Variants in TBC1D1 observed in about 807,000 individuals in gnomAD.
TBC1D1 encodes TBC1 domain family member 1.
Under a neutral mutation model 125.6 loss-of-function variants are expected in TBC1D1, and 89 were observed. That is an observed-to-expected ratio of 0.71 (90% CI 0.60 to 0.85). TBC1D1 has a LOEUF of 0.85. Among genes scored for constraint, TBC1D1 ranks in the 40% least tolerant of loss-of-function variants. The pLI is 0.00. For missense variants in TBC1D1, 1,377 were observed against 1,469.2 expected (o/e 0.94, Z 1.03); for synonymous variants, 565 against 564.1 (o/e 1.00, Z -0.02).
chr4:38,132,391 G>A (rs1765732581), intron 18 of TBC1D1, among the ~76,000 whole-genome samples: 1 of 152,208 alleles, frequency 6.6e-6, no homozygotes, highest in African/African-American at 2.4e-5. Flanking sequence ...TCCTTACCAA[G>A]AGAAAGTACA....
At chr4:38,093,063 A>G (rs542825855) in intron 13 of TBC1D1, among the ~76,000 whole-genome samples, 5 of 152,318 alleles carry the variant, frequency 3.3e-5, no homozygotes, top group Admixed American at 3.3e-4. Context: ...ATTATAAGAA[A>G]GCGACATTGA....
intron 2 of TBC1D1, among the ~76,000 whole-genome samples, chr4:37,970,684 C>A (rs1731848584): frequency 6.6e-6 from 1 of 152,242 alleles, no homozygotes. Flanking sequence ...CCCTTGAGGG[C>A]AGGATTCTGG....
chr4:38,052,728 G>GCGCACACACACACACACACACACA (rs1491148206), intron 11 of TBC1D1, among the ~76,000 whole-genome samples: 1 of 118,276 alleles, frequency 8.5e-6, no homozygotes, highest in Non-Finnish European at 1.7e-5. Flanking sequence ...GCGCGCGCGC[G>GCGCACACACACACACACACACACA]CACACACACA....
At chr4:37,925,476 G>A (rs1011876589) in intron 2 of TBC1D1, among the ~76,000 whole-genome samples, 2 of 152,108 alleles carry the variant, frequency 1.3e-5, no homozygotes, top group African/African-American at 2.4e-5. Context: ...CCAGCACTTC[G>A]GGAGGTCGAG....
At chr4:37,969,599 C>T (rs1731671809) in intron 2 of TBC1D1, among the ~76,000 whole-genome samples, 2 of 152,198 alleles carry the variant, frequency 1.3e-5, no homozygotes, top group Non-Finnish European at 1.5e-5. Flanking sequence ...ACTGCCTCAG[C>T]CTCCCAAAAA....
At chr4:38,107,899 G>A (rs958394686) in intron 15 of TBC1D1, among the ~76,000 whole-genome samples, 1 of 151,930 alleles carries the variant, frequency 6.6e-6, no homozygotes, top group Non-Finnish European at 1.5e-5. Flanking sequence ...TCTTGGCTCT[G>A]CCCACTCCAT....
At chr4:37,946,515 A>G (rs1353125290) in intron 2 of TBC1D1, among the ~76,000 whole-genome samples, 1 of 152,258 alleles carries the variant, frequency 6.6e-6, no homozygotes, top group East Asian at 1.9e-4. Context: ...GTGTGAATCT[A>G]TTAAAATAAT....
At chr4:38,134,829 G>A (rs1300970529) in intron 19 of TBC1D1, among the ~76,000 whole-genome samples, 2 of 152,196 alleles carry the variant, frequency 1.3e-5, no homozygotes, top group Admixed American at 6.5e-5. Context: ...GGTGATTACA[G>A]ATGTTCTCCC....
At position 38,052,168 on chromosome 4, in the gene TBC1D1, TG is replaced by T. The variant is rs1257173928; in HGVS notation, c.1911-2030del. The T allele has an allele frequency of 6.3e-5, 8 of 126,942 alleles. No homozygotes were observed. In the East Asian group the frequency reaches 8.1e-3, roughly 128 times the overall value. The allele number at this position is 126,942 out of a possible 1,614,324, so 7.9% of individuals were successfully genotyped here. ...ATGTCCATGCAGGAAGCAGAGCCAC[TG>T]TGTGTGTGTGTGTGTGTGTGTGTGT... On this transcript the variant is annotated intron_variant, in intron 11 of 19. Transcript: ENST00000261439.
chr4:37,935,254 C>A (rs1283475320), intron 2 of TBC1D1, among the ~76,000 whole-genome samples: 3 of 152,160 alleles, frequency 2.0e-5, no homozygotes, highest in Non-Finnish European at 4.4e-5. Context: ...CGCTTTGATC[C>A]TAGGTTCCTT....
At chr4:38,059,349 G>C (rs565973306) in intron 12 of TBC1D1, among the ~76,000 whole-genome samples, 1 of 152,142 alleles carries the variant, frequency 6.6e-6, no homozygotes. Context: ...AGTAGGTCAC[G>C]TGCACAGCAG....
chr4:37,979,932 A>G (rs888266150), intron 2 of TBC1D1, among the ~76,000 whole-genome samples: 3 of 152,170 alleles, frequency 2.0e-5, no homozygotes, highest in African/African-American at 7.2e-5. Flanking sequence ...GGCTTGCGCC[A>G]CCACCCCCGC....
chr4:38,014,425 C>A lies in TBC1D1; in HGVS notation c.418-84C>A. 7.3e-7 allele frequency: 1 copy of A among 1,368,252 alleles called. No homozygotes were observed. The highest frequency in any genetic ancestry group is 1.0e-6 in the Non-Finnish European group (1 of 981,950). The allele number at this position is 1,368,252 out of a possible 1,614,324, so 84.8% of individuals were successfully genotyped here. A position where few individuals can be genotyped will look rare whatever the true frequency, so the allele number is the denominator to read the frequency against. ...CTCCGCAGTGGAGTAGCCAGCGGGG[C>A]GTCCCGAAAGAGCATGGTGCATTCA... On this transcript the variant is annotated intron_variant, in intron 2 of 19. Transcript: ENST00000261439. This position sits in a 1 kb window ranked among gnomAD's most constrained non-coding sequence, Gnocchi z 5.1.
At chr4:37,983,185 C>G (rs1050362506) in intron 2 of TBC1D1, among the ~76,000 whole-genome samples, 8 of 142,552 alleles carry the variant, frequency 5.6e-5, no homozygotes, top group African/African-American at 1.9e-4. Context: ...TGCAGTGGTG[C>G]GATCTCGGCT....
At chr4:38,108,620 C>T (rs894422200) in intron 15 of TBC1D1, among the ~76,000 whole-genome samples, 9 of 152,194 alleles carry the variant, frequency 5.9e-5, no homozygotes, top group African/African-American at 1.9e-4. Flanking sequence ...TGCCGCGAGA[C>T]GCTAAGCGTG....
intron 12 of TBC1D1, among the ~76,000 whole-genome samples, chr4:38,076,228 G>A (rs180739693): frequency 6.6e-6 from 1 of 152,130 alleles, no homozygotes; most frequent in Non-Finnish European, 1.5e-5. Context: ...CGAGCAAAAG[G>A]GGGGAAAGCC....
rs1246526334 is a variant in TBC1D1 at position 38,010,884 on chromosome 4, A to G, written c.418-3625A>G. On this transcript the variant is annotated intron_variant, in intron 2 of 19. Transcript: ENST00000261439. ...AGGGACTCATTTACATTCATCTTAT[A>G]TTTCTGAATCCCTGGCTCTGGCATC... Among the ~76,000 whole-genome samples the G allele has an allele frequency of 2.6e-5, 4 of 152,170 alleles. No individual in the cohort carries two copies. In the East Asian group the frequency reaches 5.8e-4, roughly 22 times the overall value.
chr4:38,083,466 T>G (rs1756927664), intron 12 of TBC1D1, among the ~76,000 whole-genome samples: 2 of 152,356 alleles, frequency 1.3e-5, no homozygotes, highest in South Asian at 4.1e-4. Context: ...ATTTTACCTG[T>G]TCTTCCAGAA....
chr4:37,999,784 AT>A (rs1468548094), intron 2 of TBC1D1, among the ~76,000 whole-genome samples: 1 of 152,178 alleles, frequency 6.6e-6, no homozygotes, highest in African/African-American at 2.4e-5. Flanking sequence ...TATCAAAGGT[AT>A]TTATTGGGTA....
Sources: allele counts gnomAD v4.1 joint callset (sites outside exome capture counted in the v4.1 genomes callset), GRCh38; gene constraint gnomAD v4.1.1; non-coding constraint Gnocchi (gnomAD v3.1); transcripts MANE v1.5; gene names NCBI Gene and HGNC (gene_info 2026-07-23, HGNC 2026-07-21).